Variants in MRAS observed in about 807,000 individuals in gnomAD.
MRAS encodes the protein muscle RAS oncogene homolog, also known as ras-related protein M-Ras.
Under a neutral mutation model 20.9 loss-of-function variants are expected in MRAS, and 4 were observed. The ratio of observed to expected loss-of-function variants is 0.19; its 90% CI spans 0.09 to 0.44. MRAS has a LOEUF of 0.44. Ranked by LOEUF, MRAS falls within the 20% of genes least tolerant of loss-of-function variation. The probability of loss-of-function intolerance (pLI) is 0.99; values close to 1 mark genes in which losing one functional copy is unlikely to be tolerated. For missense variants in MRAS, 154 were observed against 277.5 expected (o/e 0.56, Z 3.16); for synonymous variants, 98 against 102.9 (o/e 0.95, Z 0.29).
chr3:138,393,821 C>T (rs1201337940), intron 2 of MRAS, among the ~76,000 whole-genome samples: 1 of 152,098 alleles, frequency 6.6e-6, no homozygotes, highest in Admixed American at 6.5e-5. Context: ...TCCCGAGTAG[C>T]TGGGATTACA....
At chr3:138,366,889 C>T (rs1171905044) in intron 1 of MRAS, among the ~76,000 whole-genome samples, 1 of 152,184 alleles carries the variant, frequency 6.6e-6, no homozygotes, top group African/African-American at 2.4e-5. Flanking sequence ...GACCTATGGA[C>T]CCCTTGGCAA....
intron 1 of MRAS, among the ~76,000 whole-genome samples, chr3:138,372,533 T>G (rs969133444): frequency 1.3e-5 from 2 of 152,216 alleles, no homozygotes; most frequent in Non-Finnish European, 2.9e-5. Flanking sequence ...TGCCCTCGTG[T>G]TAACCTGTAC....
chr3:138,355,504 A>C (rs1210448364), intron 1 of MRAS, among the ~76,000 whole-genome samples: 1 of 143,578 alleles, frequency 7.0e-6, no homozygotes, highest in Non-Finnish European at 1.5e-5. Context: ...GATTCTTGTC[A>C]GTCCTTATTG....
intron 2 of MRAS, among the ~76,000 whole-genome samples, chr3:138,376,772 G>A (rs2054790823): frequency 6.6e-6 from 1 of 152,174 alleles, no homozygotes; most frequent in African/African-American, 2.4e-5. Context: ...CTTTTAACAT[G>A]CAAACACATA....
At chr3:138,379,564 G>C (rs1351922138) in intron 2 of MRAS, among the ~76,000 whole-genome samples, 1 of 152,084 alleles carries the variant, frequency 6.6e-6, no homozygotes, top group Non-Finnish European at 1.5e-5. Context: ...CACCATCTTG[G>C]CTAGGTTGGT....
At position 138,398,575 on chromosome 3, in the gene MRAS, G is replaced by A. The variant is rs2108563880; in HGVS notation, c.447+7G>A. ...AATGGCGACCAAACACAATGTAGGTGTGTGCGTGTGTGTAGAGGGGGTCAG... is the reference window on the plus strand; with the variant it reads ...AATGGCGACCAAACACAATGTAGGTATGTGCGTGTGTGTAGAGGGGGTCAG... On this transcript the variant is annotated splice_region_variant and intron_variant, in intron 4 of 5. Coordinates refer to ENST00000423968, the MANE Select transcript of MRAS (RefSeq NM_001085049.3). 2.5e-6 allele frequency: 4 copies of A among 1,613,242 alleles called. No individual in the cohort carries two copies. Among genetic ancestry groups the A allele is most frequent in the East Asian group, 2.2e-5 (1 of 44,876 alleles).
At chr3:138,380,537 C>T (rs184702210) in intron 2 of MRAS, among the ~76,000 whole-genome samples, 219 of 152,180 alleles carry the variant, frequency 1.4e-3, no homozygotes, top group African/African-American at 4.9e-3. Context: ...TCTCGAACTC[C>T]TGGCCTCAGG....
chr3:138,356,279 G>A (rs1020115154), intron 1 of MRAS, among the ~76,000 whole-genome samples: 1 of 152,218 alleles, frequency 6.6e-6, no homozygotes, highest in Non-Finnish European at 1.5e-5. Flanking sequence ...GATCTGTGGG[G>A]AGATTGCTGG....
intron 1 of MRAS, among the ~76,000 whole-genome samples, chr3:138,352,145 TG>T (rs1329107372): frequency 1.3e-5 from 2 of 152,238 alleles, no homozygotes. Flanking sequence ...AGGGCAGTGC[TG>T]GCACTGCCTC....
At chr3:138,371,071 T>C (rs2054664775) in intron 1 of MRAS, among the ~76,000 whole-genome samples, 1 of 152,224 alleles carries the variant, frequency 6.6e-6, no homozygotes, top group African/African-American at 2.4e-5. Context: ...CTTTCTTCAC[T>C]TCTCTGATTA....
intron 2 of MRAS, among the ~76,000 whole-genome samples, chr3:138,390,165 A>C (rs1004818863): frequency 1.3e-4 from 19 of 151,780 alleles, no homozygotes; most frequent in African/African-American, 4.1e-4. Context: ...GTGCTCCTCC[A>C]TGCTGGCTGC....
At chr3:138,372,835 C>A in intron 1 of MRAS, 31 bp from the exon 2 acceptor site, 1 of 1,428,956 alleles carries the variant, frequency 7.0e-7, no homozygotes, top group South Asian at 1.4e-5. Context: ...AAAAAGCCCT[C>A]TGTCTCATTC....
rs561881117 is a variant in MRAS, at chr3:138,393,247, T to C, written c.194-4077T>C. On this transcript the variant is annotated intron_variant, in intron 2 of 5. Transcript: ENST00000423968. Reference sequence around the variant, plus strand: ...ACTTACCTGTTCTTTTAAAAATTTGTAGAGATGGGGTCTCACTGTGTTGCC... The same window carrying C: ...ACTTACCTGTTCTTTTAAAAATTTGCAGAGATGGGGTCTCACTGTGTTGCC... 5.9e-5 allele frequency among the ~76,000 whole-genome samples: 9 copies of C among 152,362 alleles called. No homozygotes were observed. In the East Asian group the frequency reaches 1.5e-3, roughly 26 times the overall value.
intron 1 of MRAS, among the ~76,000 whole-genome samples, chr3:138,368,114 G>T (rs1358681195): frequency 6.6e-6 from 1 of 152,210 alleles, no homozygotes; most frequent in Non-Finnish European, 1.5e-5. Flanking sequence ...TTTCTGCGTG[G>T]ATGGGGCTGC....
chr3:138,402,061 C>G, intron 5 of MRAS, 109 bp from the exon 6 acceptor site: 1 of 1,059,444 alleles, frequency 9.4e-7, no homozygotes, highest in South Asian at 1.5e-5. Flanking sequence ...CCACTAACCC[C>G]GCCAGAACAG....
intron 4 of MRAS, chr3:138,400,222 A>G (rs1474707865): frequency 1.2e-5 from 3 of 257,108 alleles, no homozygotes; most frequent in Non-Finnish European, 2.2e-5. Context: ...TAGAATCAGA[A>G]TGTATTTTTG....
chr3:138,358,344 A>C (rs57503619), intron 1 of MRAS, among the ~76,000 whole-genome samples: 2,431 of 152,254 alleles, frequency 0.016, 27 homozygotes, highest in African/African-American at 0.021. Context: ...CAAAAAAAAA[A>C]ACAAAGATAT....
intron 1 of MRAS, chr3:138,350,303 G>C (rs563410847): frequency 6.6e-6 from 1 of 152,238 alleles, no homozygotes; most frequent in East Asian, 1.9e-4. Flanking sequence ...AAAATGTTTC[G>C]GGCAATGGTT....
chr3:138,369,275 T>G (rs2054625598), intron 1 of MRAS, among the ~76,000 whole-genome samples: 1 of 152,160 alleles, frequency 6.6e-6, no homozygotes, highest in African/African-American at 2.4e-5. Flanking sequence ...TTGTGCACAG[T>G]AAACACTTAG....
Sources: allele counts gnomAD v4.1 joint callset (sites outside exome capture counted in the v4.1 genomes callset), GRCh38; gene constraint gnomAD v4.1.1; transcripts MANE v1.5; gene names NCBI Gene and HGNC (gene_info 2026-07-23, HGNC 2026-07-21).